Variants in GNE observed in about 807,000 individuals in gnomAD.
The protein encoded by GNE is glucosamine (UDP-N-acetyl)-2-epimerase/N-acetylmannosamine kinase, also known as bifunctional UDP-N-acetylglucosamine 2-epimerase/N-acetylmannosamine kinase.
Under a neutral mutation model 61.8 loss-of-function variants are expected in GNE, and 41 were observed. That is an observed-to-expected ratio of 0.66 (90% CI 0.52 to 0.86). The LOEUF (loss-of-function observed/expected upper bound fraction) is 0.86, where lower values mean the gene tolerates loss of function less well. Ranked by LOEUF, GNE falls within the 40% of genes least tolerant of loss-of-function variation. The probability of loss-of-function intolerance (pLI) is 0.00; values close to 1 mark genes in which losing one functional copy is unlikely to be tolerated. For synonymous variants in GNE, 264 were observed against 326.4 expected, an observed-to-expected ratio of 0.81 and a Z score of 2.06; for missense variants, 608 against 909.1, an observed-to-expected ratio of 0.67 and a Z score of 4.26.
intron 5 of GNE, among the ~76,000 whole-genome samples, chr9:36,231,077 A>AAAAG (rs1829125177): frequency 7.0e-6 from 1 of 142,136 alleles, no homozygotes; most frequent in South Asian, 2.2e-4. Flanking sequence ...AAAAAAAAAA[A>AAAAG]AAAAAAAGAA....
chr9:36,221,510 A>G (rs1306912077), intron 9 of GNE, among the ~76,000 whole-genome samples: 2 of 152,186 alleles, frequency 1.3e-5, no homozygotes, highest in African/African-American at 4.8e-5. Flanking sequence ...GAGTAAAAAA[A>G]CAAAAGTAAC....
In GNE at chr9:36,242,543, C is replaced by G. The variant is rs942276309; in HGVS notation, c.616+3488G>C. Reference sequence around the variant, plus strand: ...CATGCAATTCTTCTGCCTCAGCCTCCCAAGTACCTGGGACTACAGGTGTGC... The same window carrying G: ...CATGCAATTCTTCTGCCTCAGCCTCGCAAGTACCTGGGACTACAGGTGTGC... On this transcript the variant is annotated intron_variant, in intron 3 of 11. Transcript: ENST00000642385. Among the ~76,000 whole-genome samples the G allele has an allele frequency of 2.0e-5, 3 of 152,022 alleles. No homozygotes were observed. In the South Asian group the frequency reaches 6.2e-4, roughly 31 times the overall value.
chr9:36,274,824 G>A (rs1027998776), intron 1 of GNE, among the ~76,000 whole-genome samples: 26 of 114,166 alleles, frequency 2.3e-4, no homozygotes, highest in African/African-American at 8.4e-4. Flanking sequence ...CCGGGTTCAC[G>A]CCATTCTCCT....
In GNE at chr9:36,218,368, G is replaced by A; in HGVS notation, c.1817-69C>T. 1.8e-6 allele frequency: 2 copies of A among 1,109,910 alleles called. No homozygotes were observed. Among genetic ancestry groups the A allele is most frequent in the Non-Finnish European group, 2.8e-6 (2 of 722,244 alleles). The allele number at this position is 1,109,910 out of a possible 1,614,324, so 68.8% of individuals were successfully genotyped here. ...GGAGGCCAAGCTCACCACTGGGCCT[G>A]TGGAAAGCAAGCCCCTACATGGGAA... On this transcript the variant is annotated intron_variant, in intron 10 of 11. Transcript: ENST00000642385. This position sits in a 1 kb window ranked among gnomAD's most constrained non-coding sequence, Gnocchi z 4.1.
chr9:36,273,302 C>T (rs1341901410), intron 1 of GNE, among the ~76,000 whole-genome samples: 14 of 151,280 alleles, frequency 9.3e-5, no homozygotes, highest in Middle Eastern at 3.4e-3. Flanking sequence ...CTGCAACCTC[C>T]GCCTCCTGGG....
intron 1 of GNE, 139 bp from the exon 2 acceptor site, chr9:36,249,536 T>G (rs1830033372): frequency 1.6e-6 from 1 of 625,508 alleles, no homozygotes; most frequent in Admixed American, 2.9e-5. Flanking sequence ...CTTAATCTTT[T>G]TTTGCACCTC....
At chr9:36,261,200 T>C (rs554008715), upstream of GNE, among the ~76,000 whole-genome samples, 2 of 152,270 alleles carry the variant, frequency 1.3e-5, no homozygotes, top group African/African-American at 4.8e-5. Context: ...CTCAAAGTCC[T>C]GGTCACATCT....
intron 1 of GNE, among the ~76,000 whole-genome samples, chr9:36,273,899 T>C (rs1032107586): frequency 6.6e-6 from 1 of 151,992 alleles, no homozygotes; most frequent in Non-Finnish European, 1.5e-5. Context: ...CCCCCCAAAG[T>C]GCTGGGATTA....
intron 3 of GNE, among the ~76,000 whole-genome samples, chr9:36,237,584 C>T (rs1012252857): frequency 5.3e-5 from 8 of 151,698 alleles, no homozygotes; most frequent in East Asian, 1.9e-4. Flanking sequence ...TGTCAAACAA[C>T]GCAAGGTATT....
chr9:36,255,865 G>C (rs1830309044), intron 1 of GNE, among the ~76,000 whole-genome samples: 1 of 152,168 alleles, frequency 6.6e-6, no homozygotes, highest in African/African-American at 2.4e-5. Context: ...ATAGATGATA[G>C]TTTTCGGACA....
chr9:36,273,997 G>T (rs1563964540), intron 1 of GNE, among the ~76,000 whole-genome samples: 1 of 151,908 alleles, frequency 6.6e-6, no homozygotes, highest in East Asian at 1.9e-4. Flanking sequence ...ACAACTGAAT[G>T]ACTGTTAGAC....
intron 9 of GNE, 108 bp from the exon 10 acceptor site, chr9:36,220,128 G>GAAGTATCT: frequency 1.1e-6 from 1 of 909,822 alleles, no homozygotes; most frequent in Non-Finnish European, 1.8e-6. Flanking sequence ...AGGGTCTATA[G>GAAGTATCT]ATACTTCTTT....
At chr9:36,230,157 T>G (rs1403871618) in intron 5 of GNE, among the ~76,000 whole-genome samples, 1 of 152,172 alleles carries the variant, frequency 6.6e-6, no homozygotes, top group Non-Finnish European at 1.5e-5. Context: ...TTAGCCAGGC[T>G]GGCTTGAACT....
intron 1 of GNE, among the ~76,000 whole-genome samples, chr9:36,274,786 G>T (rs1419710255): frequency 6.6e-6 from 1 of 150,946 alleles, no homozygotes; most frequent in African/African-American, 2.4e-5. Context: ...GCCGTGGCGC[G>T]ATCTCTGTTC....
At chr9:36,268,951 G>A (rs1268899361) in intron 1 of GNE, among the ~76,000 whole-genome samples, 11 of 151,874 alleles carry the variant, frequency 7.2e-5, no homozygotes, top group Admixed American at 5.3e-4. Flanking sequence ...CCAACATGGC[G>A]AAACCCTATC....
intron 1 of GNE, chr9:36,265,529 A>T (rs1287956274): frequency 2.2e-6 from 1 of 454,198 alleles, no homozygotes; most frequent in South Asian, 1.6e-5. Context: ...ATTCATCACC[A>T]TATTAAGCTG....
intron 1 of GNE, among the ~76,000 whole-genome samples, chr9:36,269,989 T>C (rs1830960431): frequency 6.6e-6 from 1 of 151,766 alleles, no homozygotes; most frequent in African/African-American, 2.4e-5. Context: ...AGAGACAGGG[T>C]CTTGCTCTCT....
At chr9:36,274,188 T>C (rs769675637) in intron 1 of GNE, among the ~76,000 whole-genome samples, 1 of 151,694 alleles carries the variant, frequency 6.6e-6, no homozygotes, top group Non-Finnish European at 1.5e-5. Flanking sequence ...CTCAACTTCC[T>C]AGGTTCAAGC....
Position 36,223,393 on chromosome 9 carries a change from T to C in GNE, c.1391A>G (p.Asn464Ser). The change falls in exon 8 of 12, where the codon AAC (asparagine) becomes AGC (serine). Residue 464 changes from asparagine (N) to serine (S), a missense_variant. Coordinates refer to ENST00000642385, the MANE Select transcript of GNE (RefSeq NM_005476.7). ...VEAAAEAVKLNCRILGVGIST... is the reference protein window; with the variant it reads ...VEAAAEAVKLSCRILGVGIST... ...CTTACCTACTCCCAAAATTCTGCAG[T>C]TCAGTTTTACAGCTTCTGCTGCAGC... The C allele has an allele frequency of 1.2e-6, 2 of 1,613,382 alleles. No homozygotes were observed. Among genetic ancestry groups the C allele is most frequent in the South Asian group, 2.2e-5 (2 of 91,074 alleles).
Sources: gnomAD v4.1 joint callset for allele counts (sites outside exome capture counted in the v4.1 genomes callset) on GRCh38, gnomAD v4.1.1 for gene constraint, Gnocchi (gnomAD v3.1) non-coding constraint, MANE v1.5 for transcripts, NCBI Gene and HGNC (gene_info 2026-07-23, HGNC 2026-07-21) for gene names.